Variants in ECPAS observed in about 807,000 individuals in gnomAD.
The protein encoded by ECPAS is proteasome adapter and scaffold protein ECM29.
ECPAS carries 70 observed loss-of-function variants against 255.1 expected under a neutral mutation model. The ratio of observed to expected loss-of-function variants is 0.27; its 90% CI spans 0.23 to 0.33. ECPAS has a LOEUF of 0.33. ECPAS is among the 10% of genes least tolerant of loss of function. The probability of loss-of-function intolerance (pLI) is 1.00; values close to 1 mark genes in which losing one functional copy is unlikely to be tolerated. For missense variants in ECPAS, 1,817 were observed against 2,206.4 expected (o/e 0.82, Z 3.54); for synonymous variants, 784 against 775.0 (o/e 1.01, Z -0.19).
chr9:111,464,652 T>G (rs2098277161), intron 2 of ECPAS, among the ~76,000 whole-genome samples: 1 of 152,134 alleles, frequency 6.6e-6, no homozygotes, highest in Non-Finnish European at 1.5e-5. Context: ...CTGAAAAATC[T>G]AAGATCAAAC....
intron 2 of ECPAS, among the ~76,000 whole-genome samples, chr9:111,452,966 G>A (rs1000643477): frequency 2.0e-5 from 3 of 152,076 alleles, no homozygotes; most frequent in Non-Finnish European, 2.9e-5. Flanking sequence ...ACATGGGGTC[G>A]AGCACAGTGG....
At chr9:111,483,369 TC>T in intron 1 of ECPAS, 1 of 229,204 alleles carries the variant, frequency 4.4e-6, no homozygotes, top group Non-Finnish European at 7.1e-6. Flanking sequence ...AGGCCCGGGC[TC>T]CCCAGCTCCC....
intron 21 of ECPAS, 167 bp downstream of exon 21, chr9:111,411,847 G>A (rs2098195019): frequency 1.8e-6 from 1 of 563,842 alleles, no homozygotes; most frequent in South Asian, 2.8e-5. Context: ...TCTGTTAAGT[G>A]AGCTGACTGA....
chr9:111,434,817 C>T (rs2098235395), intron 7 of ECPAS, among the ~76,000 whole-genome samples: 1 of 150,560 alleles, frequency 6.6e-6, no homozygotes, highest in Non-Finnish European at 1.5e-5. Flanking sequence ...AGGCTAGCCT[C>T]GAACTCCTGA....
At chr9:111,434,502 T>C (rs77368608) in intron 7 of ECPAS, among the ~76,000 whole-genome samples, 3,391 of 152,190 alleles carry the variant, frequency 0.022, 62 homozygotes, top group Non-Finnish European at 0.035. Context: ...TAGAAATGTA[T>C]TGTTTAAAAC....
Position 111,391,752 on chromosome 9 carries a change from T to A in ECPAS, c.3161+4A>T. ...TTACCATTCAATGGATTTAGCATAC[T>A]TACCCATCTGGTGTTTTGCCAAGAG... On this transcript the variant is annotated splice_donor_region_variant and intron_variant, in intron 29 of 49. Transcript: ENST00000684092. 1 of 1,575,804 alleles carries A rather than the reference T, an allele frequency of 6.3e-7. No homozygotes were observed. Among genetic ancestry groups the A allele is most frequent in the Non-Finnish European group, 8.7e-7 (1 of 1,147,340 alleles).
intron 30 of ECPAS, 101 bp downstream of exon 30, chr9:111,389,883 C>T (rs1413985067): frequency 1.1e-5 from 12 of 1,139,356 alleles, no homozygotes; most frequent in Non-Finnish European, 1.5e-5. Context: ...CAGGCACAGA[C>T]TTTCACAAAA....
In ECPAS at chr9:111,380,827, C is replaced by T. The variant is rs143783214; in HGVS notation, c.3804-2097G>A. On this transcript the variant is annotated intron_variant, in intron 35 of 49. Transcript: ENST00000684092. ...GCTTCTTTCCTTAAACCTCATGAGC[C>T]AACCTCTGCTAGCTTCCAACTTTTC... Among the ~76,000 whole-genome samples, 290 of 152,308 alleles carry T rather than the reference C, an allele frequency of 1.9e-3. 1 individual carries two copies. Among genetic ancestry groups the T allele is most frequent in the African/African-American group, 6.8e-3 (283 of 41,572 alleles).
chr9:111,455,342 G>A (rs985781871), intron 2 of ECPAS, among the ~76,000 whole-genome samples: 9 of 152,134 alleles, frequency 5.9e-5, no homozygotes, highest in Non-Finnish European at 1.0e-4. Flanking sequence ...AAATTAGCCG[G>A]GCGTGGTGGC....
chr9:111,408,140 T>TA (rs1206077717), intron 24 of ECPAS, among the ~76,000 whole-genome samples: 1 of 152,192 alleles, frequency 6.6e-6, no homozygotes, highest in African/African-American at 2.4e-5. Flanking sequence ...CTGAGATACT[T>TA]AGTACAGTAT....
At chr9:111,447,328 T>A (rs952518888) in intron 3 of ECPAS, among the ~76,000 whole-genome samples, 1 of 152,160 alleles carries the variant, frequency 6.6e-6, no homozygotes, top group African/African-American at 2.4e-5. Context: ...TCTTGCTATG[T>A]TGCCTAGGCT....
chr9:111,464,152 G>A (rs1480311917), intron 2 of ECPAS, among the ~76,000 whole-genome samples: 1 of 151,816 alleles, frequency 6.6e-6, no homozygotes, highest in African/African-American at 2.4e-5. Flanking sequence ...TCTCCCAGGG[G>A]CTGAGTGTGG....
chr9:111,422,558 C>G (rs966902317), intron 13 of ECPAS, among the ~76,000 whole-genome samples: 1 of 152,162 alleles, frequency 6.6e-6, no homozygotes, highest in Non-Finnish European at 1.5e-5. Context: ...GCTGACAACC[C>G]TGCACTATAT....
chr9:111,429,451 C>A (rs559950048), intron 9 of ECPAS, among the ~76,000 whole-genome samples: 61 of 152,212 alleles, frequency 4.0e-4, no homozygotes, highest in African/African-American at 1.3e-3. Context: ...TTTTGTGACC[C>A]TAAAAAGGTC....
chr9:111,471,929 T>C (rs2098288767), intron 2 of ECPAS, among the ~76,000 whole-genome samples: 1 of 151,366 alleles, frequency 6.6e-6, no homozygotes, highest in Admixed American at 6.6e-5. Flanking sequence ...ACACAGAGAC[T>C]CTGTCTCTAC....
At position 111,435,737 on chromosome 9, in the gene ECPAS, T is replaced by G. The variant is rs1425131301; in HGVS notation, c.708+1203A>C. Among the ~76,000 whole-genome samples the G allele has an allele frequency of 4.7e-5, 7 of 149,844 alleles. No individual in the cohort carries two copies. The Admixed American group carries it at 4.7e-4, about 10-fold the overall frequency. ...CTCTGTCGCCCAGGCTGGAGTGCAG[T>G]GGCACGATCTCGGCGCACTGCAAGC... On this transcript the variant is annotated intron_variant, in intron 7 of 49. Coordinates refer to ENST00000684092, the MANE Select transcript of ECPAS (RefSeq NM_001364929.1).
At position 111,425,808 on chromosome 9, in the gene ECPAS, A is replaced by T; in HGVS notation, c.1071T>A (p.Phe357Leu). 6.4e-7 allele frequency: 1 copy of T among 1,572,794 alleles called. No homozygotes were observed. Among genetic ancestry groups the T allele is most frequent in the Non-Finnish European group, 8.7e-7 (1 of 1,146,780 alleles). Residue 357 changes from phenylalanine (F) to leucine (L), a missense_variant, in exon 11 of 50, where the codon TTT (phenylalanine) becomes TTA (leucine). Phe to Leu is a conservative substitution (Grantham distance 22). Coordinates refer to ENST00000684092, the MANE Select transcript of ECPAS (RefSeq NM_001364929.1). Reference protein sequence around the residue: ...ANIQVVYDGLFGTNTNSKLRT... With the variant: ...ANIQVVYDGLLGTNTNSKLRT... ...TTAACTTTGAATTTGTATTTGTACC[A>T]AAAAGTCCATCATACACCACCTATG... is the stretch of plus-strand genomic sequence containing the variant.
intron 24 of ECPAS, among the ~76,000 whole-genome samples, chr9:111,402,738 G>A (rs2098178071): frequency 6.6e-6 from 1 of 152,034 alleles, no homozygotes; most frequent in African/African-American, 2.4e-5. Flanking sequence ...TTCTTTTCTT[G>A]TGATCAAAGT....
At chr9:111,470,746 CCACACACACACACACACA>C (rs57091815) in intron 2 of ECPAS, among the ~76,000 whole-genome samples, 4 of 124,494 alleles carry the variant, frequency 3.2e-5, no homozygotes, top group Admixed American at 8.3e-5. Context: ...TCTCCTCCCG[CCACACACACACACACACA>C]CACACACACA....
Sources: allele counts gnomAD v4.1 joint callset (sites outside exome capture counted in the v4.1 genomes callset), GRCh38; gene constraint gnomAD v4.1.1; transcripts MANE v1.5; gene names NCBI Gene and HGNC (gene_info 2026-07-23, HGNC 2026-07-21).